LRP5: variants seen among roughly 807,000 people sequenced by gnomAD.
LRP5 encodes the protein low-density lipoprotein receptor-related protein 5.
Under a neutral mutation model 154.1 loss-of-function variants are expected in LRP5, and 62 were observed. The ratio of observed to expected loss-of-function variants is 0.40; its 90% CI spans 0.33 to 0.50. LRP5 has a LOEUF of 0.50. LRP5 is among the 20% of genes least tolerant of loss of function. The probability of loss-of-function intolerance (pLI) is 0.55; values close to 1 mark genes in which losing one functional copy is unlikely to be tolerated. For synonymous variants in LRP5, 966 were observed against 1,011.5 expected, an observed-to-expected ratio of 0.96 and a Z score of 0.85; for missense variants, 1,915 against 2,336.7, an observed-to-expected ratio of 0.82 and a Z score of 3.72.
Position 68,368,305 on chromosome 11 carries a change from G to A in LRP5, c.1015+2603G>A, listed in dbSNP as rs529292707. Among the ~76,000 whole-genome samples the A allele has an allele frequency of 9.2e-5, 14 of 152,260 alleles. No homozygotes were observed. In the East Asian group the frequency reaches 1.7e-3, roughly 19 times the overall value. ...TACGGAACACAGCAGGGGCTGAGCC[G>A]GAGACTCCTGTACTGGGGGTGTGGC... On this transcript the variant is annotated intron_variant, in intron 5 of 22. Coordinates refer to ENST00000294304, the MANE Select transcript of LRP5 (RefSeq NM_002335.4).
At chr11:68,304,055 G>A in the LRP5 span, among the ~76,000 whole-genome samples, 5 of 152,344 alleles carry the variant, frequency 3.3e-5, no homozygotes, top group East Asian at 7.7e-4. Context: ...GCCAATAACT[G>A]AGACAATAGG....
intron 12 of LRP5, among the ~76,000 whole-genome samples, 154 bp from the exon 13 acceptor site, chr11:68,416,174 C>G (rs1164752259): frequency 1.3e-5 from 2 of 152,148 alleles, no homozygotes; most frequent in Admixed American, 6.5e-5. Flanking sequence ...CATAGCGCAC[C>G]CCCAAGAGAC....
Position 68,402,492 on chromosome 11 carries a change from C to T in LRP5, c.1585-991C>T, listed in dbSNP as rs139790958. 6.2e-3 allele frequency among the ~76,000 whole-genome samples: 940 copies of T among 152,292 alleles called. 14 individuals are homozygous for T. Among genetic ancestry groups the T allele is most frequent in the African/African-American group, 0.022 (900 of 41,544 alleles). ...ACCAGAAGTGCCCTCAGAGTTCATC[C>T]GGCCCTGACCCAGCGGGAAATGAGT... is the stretch of plus-strand genomic sequence containing the variant. On this transcript the variant is annotated intron_variant, in intron 7 of 22. Transcript: ENST00000294304.
intron 16 of LRP5, among the ~76,000 whole-genome samples, chr11:68,427,564 C>T (rs1565105405): frequency 6.6e-6 from 1 of 152,074 alleles, no homozygotes; most frequent in Non-Finnish European, 1.5e-5. Context: ...CCTGTATTCC[C>T]AGCTACTGGG....
At chr11:68,330,575 C>G (rs1246598397) in intron 1 of LRP5, among the ~76,000 whole-genome samples, 1 of 152,232 alleles carries the variant, frequency 6.6e-6, no homozygotes, top group African/African-American at 2.4e-5. Flanking sequence ...AAGGACTTGC[C>G]TGGGGTCATT....
intron 12 of LRP5, among the ~76,000 whole-genome samples, chr11:68,416,091 A>G (rs1319822955): frequency 1.3e-5 from 2 of 152,118 alleles, no homozygotes; most frequent in Admixed American, 6.5e-5. Context: ...AAATAAATTT[A>G]TGATCTATTT....
intron 3 of LRP5, among the ~76,000 whole-genome samples, chr11:68,358,409 G>A (rs917718979): frequency 2.0e-5 from 3 of 152,182 alleles, no homozygotes; most frequent in Admixed American, 6.5e-5. Context: ...CACCGCACCC[G>A]GCCCATGCAC....
intron 5 of LRP5, among the ~76,000 whole-genome samples, chr11:68,369,514 C>T (rs2098632920): frequency 6.6e-6 from 1 of 151,976 alleles, no homozygotes; most frequent in South Asian, 2.1e-4. Flanking sequence ...ATCGTGCAGT[C>T]GTGCCTGTCA....
chr11:68,317,691 A>C (rs1274719955), intron 1 of LRP5, among the ~76,000 whole-genome samples: 2 of 152,238 alleles, frequency 1.3e-5, no homozygotes, highest in African/African-American at 4.8e-5. Context: ...CCTGTGCTCC[A>C]GGTCCAGCCT....
intron 5 of LRP5, among the ~76,000 whole-genome samples, chr11:68,371,336 G>A (rs1211912463): frequency 6.6e-6 from 1 of 152,178 alleles, no homozygotes. Flanking sequence ...TCATGTTCTG[G>A]TTGGAGGACA....
At chr11:68,437,652 C>T (rs989378246) in intron 19 of LRP5, among the ~76,000 whole-genome samples, 3 of 152,228 alleles carry the variant, frequency 2.0e-5, no homozygotes, top group Non-Finnish European at 4.4e-5. Context: ...TCTCTTATGG[C>T]TGCAGTCGGG....
chr11:68,408,504 C>T (rs2098657025), intron 9 of LRP5, among the ~76,000 whole-genome samples: 1 of 151,990 alleles, frequency 6.6e-6, no homozygotes, highest in Admixed American at 6.6e-5. Context: ...TTGTCCATAA[C>T]CTCTCCAGCC....
At chr11:68,308,135 G>A (rs1451306333), upstream of LRP5, among the ~76,000 whole-genome samples, 4 of 152,228 alleles carry the variant, frequency 2.6e-5, no homozygotes. Flanking sequence ...GGCAGCCTGA[G>A]GAATGAGCCT....
intron 14 of LRP5, among the ~76,000 whole-genome samples, chr11:68,424,576 C>T (rs1159086377): frequency 6.6e-6 from 1 of 152,238 alleles, no homozygotes; most frequent in Non-Finnish European, 1.5e-5. Flanking sequence ...GCACCTGTTT[C>T]CCATGGCTGC....
intron 13 of LRP5, among the ~76,000 whole-genome samples, chr11:68,420,012 G>C (rs2098664666): frequency 6.6e-6 from 1 of 151,786 alleles, no homozygotes. Context: ...GGCTGGGCTT[G>C]AAATGGACTC....
intron 1 of LRP5, among the ~76,000 whole-genome samples, chr11:68,342,802 A>C (rs918530032): frequency 4.6e-5 from 7 of 152,210 alleles, no homozygotes; most frequent in Admixed American, 3.9e-4. Flanking sequence ...CTGGCCTTTG[A>C]AGAATGCATC....
intron 9 of LRP5, among the ~76,000 whole-genome samples, chr11:68,407,708 A>G (rs181698800): frequency 1.3e-5 from 2 of 151,896 alleles, no homozygotes; most frequent in Admixed American, 6.6e-5. Context: ...TTAACCGGGC[A>G]TGGCGGCGCC....
chr11:68,427,270 G>A (rs1373995383), intron 16 of LRP5, among the ~76,000 whole-genome samples: 2 of 152,178 alleles, frequency 1.3e-5, no homozygotes, highest in East Asian at 1.9e-4. Context: ...GCTTGGGGGA[G>A]GGGCCTCCAC....
At chr11:68,427,791 G>A (rs1310409419) in intron 16 of LRP5, among the ~76,000 whole-genome samples, 1 of 152,042 alleles carries the variant, frequency 6.6e-6, no homozygotes, top group African/African-American at 2.4e-5. Flanking sequence ...TCTGGGTGGG[G>A]CAGGGAACAG....
Sources: gnomAD v4.1 joint callset for allele counts (sites outside exome capture counted in the v4.1 genomes callset) on GRCh38, gnomAD v4.1.1 for gene constraint, MANE v1.5 for transcripts, NCBI Gene and HGNC (gene_info 2026-07-23, HGNC 2026-07-21) for gene names.